The following CASP8 variants were observed in gnomAD, a reference collection of about 807,000 sequenced individuals.
CASP8 encodes the protein caspase-8.
Under a neutral mutation model 46.3 loss-of-function variants are expected in CASP8, and 24 were observed. The ratio of observed to expected loss-of-function variants is 0.52; its 90% CI spans 0.38 to 0.73. The LOEUF is 0.73. CASP8 is among the 30% of genes least tolerant of loss of function. CASP8 has a pLI of 0.00. For synonymous variants in CASP8, 188 were observed against 200.4 expected (o/e 0.94, Z 0.52); for missense variants, 460 against 559.0 (o/e 0.82, Z 1.79).
At chr2:201,237,652 G>A (rs1305570880) in intron 2 of CASP8, among the ~76,000 whole-genome samples, 1 of 152,044 alleles carries the variant, frequency 6.6e-6, no homozygotes, top group Non-Finnish European at 1.5e-5. Flanking sequence ...TATCCAGACA[G>A]TTTTTTTCCC....
chr2:201,237,550 T>C lies in CASP8; in HGVS notation c.-27+3438T>C, dbSNP rs527694578. ...AATTAGAAGACTGGAGTGAGTCATG[T>C]TGATTTTCTGGTGTAAAATTTGTAT... On this transcript the variant is annotated intron_variant, in intron 2 of 6. Transcript: ENST00000264274. 2.9e-3 allele frequency among the ~76,000 whole-genome samples: 448 copies of C among 152,232 alleles called. 3 individuals carry two copies. The highest frequency in any genetic ancestry group is 0.01 in the African/African-American group (419 of 41,544).
At chr2:201,257,100 G>T (rs185791147), upstream of CASP8, among the ~76,000 whole-genome samples, 16 of 152,014 alleles carry the variant, frequency 1.1e-4, no homozygotes, top group East Asian at 3.1e-3. Context: ...AGCCGAGATG[G>T]CACCATTGCA....
chr2:201,251,720 T>G (rs1474250595), intron 2 of CASP8, among the ~76,000 whole-genome samples: 1 of 151,568 alleles, frequency 6.6e-6, no homozygotes, highest in Non-Finnish European at 1.5e-5. Context: ...CCGACCAACA[T>G]GGTGAAACCC....
rs34341476 is a variant in CASP8 at position 201,253,293 on chromosome 2, CTTTTT to C, written c.-26-13142_-26-13138del. Reference sequence around the variant, plus strand: ...TGTGAGCCACTGCACCTAGCCTGATCTTTTTTTTTTTTTTTTTTTTTTTTTTTTTT... The same window carrying C: ...TGTGAGCCACTGCACCTAGCCTGATCTTTTTTTTTTTTTTTTTTTTTTTTT... On this transcript the variant is annotated intron_variant, in intron 2 of 6. Transcript: ENST00000264274. Among the ~76,000 whole-genome samples the C allele has an allele frequency of 6.1e-3, 415 of 67,946 alleles. 3 individuals carry two copies. Among genetic ancestry groups the C allele is most frequent in the African/African-American group, 0.016 (285 of 18,024 alleles). The allele number at this position is 67,946 out of a possible 152,430, so 44.6% of individuals were successfully genotyped here.
chr2:201,277,206 C>G (rs558678534), intron 7 of CASP8: 38 of 344,460 alleles, frequency 1.1e-4, no homozygotes, highest in African/African-American at 7.9e-4. Flanking sequence ...TCAAATCTTA[C>G]TAAAAGACAT....
At chr2:201,257,282 G>C (rs777414514), upstream of CASP8, among the ~76,000 whole-genome samples, 1 of 151,636 alleles carries the variant, frequency 6.6e-6, no homozygotes, top group Non-Finnish European at 1.5e-5. Flanking sequence ...AGGAGTTCAA[G>C]ACCAGTCTGA....
chr2:201,281,932 T>TTTTATCTATCAATGTTATGCCCA, intron 7 of CASP8: 1 of 531,234 alleles, frequency 1.9e-6, no homozygotes, highest in Non-Finnish European at 2.6e-6. Flanking sequence ...TGGTTCAAAT[T>TTTTATCTATCAATGTTATGCCCA]CTTTTTTTTT....
intron 5 of CASP8, among the ~76,000 whole-genome samples, chr2:201,273,774 A>T (rs1948451575): frequency 6.6e-6 from 1 of 151,918 alleles, no homozygotes; most frequent in Non-Finnish European, 1.5e-5. Context: ...TCCTGGACTC[A>T]GATGATCCTC....
At chr2:201,243,543 C>A (rs575891445) in intron 2 of CASP8, among the ~76,000 whole-genome samples, 1 of 152,132 alleles carries the variant, frequency 6.6e-6, no homozygotes, top group Non-Finnish European at 1.5e-5. Flanking sequence ...TAATTTAATG[C>A]CCCTTTCTGA....
chr2:201,276,172 C>A lies in CASP8; in HGVS notation c.661-655C>A, dbSNP rs537221341. Among the ~76,000 whole-genome samples, 24 of 152,210 alleles carry A rather than the reference C, an allele frequency of 1.6e-4. No homozygotes were observed. The South Asian group carries it at 5.0e-3, about 32-fold the overall frequency. On this transcript the variant is annotated intron_variant, in intron 6 of 8. Coordinates refer to ENST00000673742, the MANE Select transcript of CASP8 (RefSeq NM_001372051.1). ...AACAGCCCTAGGAGAATGAATAGGACACAGCGCCATCCCTGGCCAGTACTA... is the reference window on the plus strand; with the variant it reads ...AACAGCCCTAGGAGAATGAATAGGAAACAGCGCCATCCCTGGCCAGTACTA...
At position 201,274,923 on chromosome 2, in the gene CASP8, C is replaced by T. The variant is rs971778876; in HGVS notation, c.630C>T (p.Asp210=). 5.6e-6 allele frequency: 9 copies of T among 1,613,292 alleles called. No homozygotes were observed. In the Middle Eastern group the frequency reaches 8.3e-4, roughly 148 times the overall value. The change falls in exon 6 of 9, where the codon GAC becomes GAT. Residue 210 remains aspartate, a synonymous_variant. Transcript: ENST00000673742. ...EELCGVMTIS[D]SPREQDSESQ... The stretch of plus-strand genomic sequence containing the variant: ...TGTGTGGGGTAATGACAATCTCGGA[C>T]TCTCCAAGAGAACAGGATAGTGAAT...
intron 2 of CASP8, among the ~76,000 whole-genome samples, chr2:201,237,139 G>T (rs1422778738): frequency 1.4e-4 from 19 of 139,148 alleles, no homozygotes; most frequent in African/African-American, 5.1e-4. Context: ...CGCCCAGGCT[G>T]GAGTGCAGTG....
intron 2 of CASP8, among the ~76,000 whole-genome samples, chr2:201,248,400 G>A (rs1358252398): frequency 2.0e-5 from 3 of 152,276 alleles, no homozygotes; most frequent in South Asian, 4.1e-4. Flanking sequence ...CAATGGAGGC[G>A]ACTGTAATGG....
intron 7 of CASP8, among the ~76,000 whole-genome samples, chr2:201,280,026 TG>T (rs1559367265): frequency 6.6e-6 from 1 of 151,732 alleles, no homozygotes; most frequent in East Asian, 1.9e-4. Context: ...AGAATATGAA[TG>T]AAAAAAAGAT....
chr2:201,285,197 A>T lies in CASP8; in HGVS notation c.1184A>T (p.Asp395Val), dbSNP rs150243843. The T allele has an allele frequency of 5.6e-6, 9 of 1,614,090 alleles. No individual in the cohort carries two copies. The highest frequency in any genetic ancestry group is 4.0e-5 in the African/African-American group (3 of 74,924). ...TCACCTCAAACGAGATATATCCCGG[A>T]TGAGGCTGACTTTCTGCTGGGGATG... ...LSSPQTRYIP[D>V]EADFLLGMAT... Residue 395 changes from aspartate to valine, a missense_variant, in exon 8 of 9, where the codon GAT (aspartate) becomes GTT (valine). Coordinates refer to ENST00000673742, the MANE Select transcript of CASP8 (RefSeq NM_001372051.1).
intron 7 of CASP8, chr2:201,281,684 TTTTG>T (rs1296894231): frequency 9.9e-6 from 4 of 402,444 alleles, no homozygotes; most frequent in South Asian, 2.1e-5. Flanking sequence ...TCAAAAATTG[TTTTG>T]TTTTTTTCTG....
chr2:201,284,974 G>A lies in CASP8; in HGVS notation c.961G>A (p.Gly321Ser), dbSNP rs1247311567. 6.2e-7 allele frequency: 1 copy of A among 1,614,080 alleles called. No individual in the cohort carries two copies. Residue 321 changes from glycine to serine, a missense_variant, in exon 8 of 9, where the codon GGC becomes AGC. Coordinates refer to ENST00000673742, the MANE Select transcript of CASP8 (RefSeq NM_001372051.1). ...ICCILSHGDKGIIYGTDGQEA... is the reference protein window; with the variant it reads ...ICCILSHGDKSIIYGTDGQEA... ...CTGTATCCTCTCCCATGGAGACAAG[G>A]GCATCATCTATGGCACTGATGGACA...
chr2:201,283,453 C>G (rs1249809103), intron 7 of CASP8, among the ~76,000 whole-genome samples: 1 of 75,370 alleles, frequency 1.3e-5, no homozygotes, highest in Admixed American at 1.0e-4. Context: ...TTGACCCCCC[C>G]ACCTCCCTCC....
At chr2:201,282,868 G>T (rs1949194339) in intron 7 of CASP8, among the ~76,000 whole-genome samples, 1 of 76,498 alleles carries the variant, frequency 1.3e-5, no homozygotes, top group African/African-American at 4.0e-5. Context: ...GGGCAGAGGG[G>T]CTCCTCACTT....
Sources: allele counts gnomAD v4.1 joint callset (sites outside exome capture counted in the v4.1 genomes callset), GRCh38; gene constraint gnomAD v4.1.1; transcripts MANE v1.5; gene names NCBI Gene and HGNC (gene_info 2026-07-23, HGNC 2026-07-21).